Variants in MARCHF3 observed in about 807,000 individuals in gnomAD.
The protein encoded by MARCHF3 is E3 ubiquitin-protein ligase MARCHF3.
A neutral mutation model predicts 24.2 loss-of-function variants in MARCHF3; 13 were observed. The observed-to-expected ratio is 0.54, with a 90% CI of 0.35 to 0.85. MARCHF3 has a LOEUF of 0.85. Among genes scored for constraint, MARCHF3 ranks in the 40% least tolerant of loss-of-function variants. The pLI is 0.01. For missense variants in MARCHF3, 276 were observed against 325.0 expected (o/e 0.85, Z 1.16); for synonymous variants, 144 against 137.3 (o/e 1.05, Z -0.34).
chr5:126,923,814 G>C (rs902400536), intron 1 of MARCHF3, among the ~76,000 whole-genome samples: 4 of 152,118 alleles, frequency 2.6e-5, no homozygotes, highest in Non-Finnish European at 4.4e-5. Context: ...TTTTTAAAAA[G>C]AAGAAGAAGA....
At chr5:126,912,592 C>T (rs539644725) in intron 3 of MARCHF3, among the ~76,000 whole-genome samples, 74 of 152,244 alleles carry the variant, frequency 4.9e-4, no homozygotes, top group African/African-American at 1.6e-3. Flanking sequence ...AAAAAAGATG[C>T]ATGTTTATCT....
chr5:126,945,346 T>C (rs1280256258), intron 1 of MARCHF3, among the ~76,000 whole-genome samples: 1 of 152,174 alleles, frequency 6.6e-6, no homozygotes, highest in Non-Finnish European at 1.5e-5. Context: ...TCACAGGTGC[T>C]AGGAATGATA....
In MARCHF3 at chr5:126,904,623, T is replaced by C. The variant is rs1165034771; in HGVS notation, c.393+10307A>G. Among the ~76,000 whole-genome samples the C allele has an allele frequency of 2.7e-5, 4 of 150,078 alleles. No individual in the cohort carries two copies. The East Asian group carries it at 7.9e-4, about 30-fold the overall frequency. On this transcript the variant is annotated intron_variant, in intron 3 of 4. Transcript: ENST00000308660. The stretch of plus-strand genomic sequence containing the variant: ...TGCATGAATGTCTTCTTTTGAGAAG[T>C]GTCTGTTCATGTCCTTCGCCCACTT...
chr5:126,908,643 T>TCAAG (rs1392085914), intron 3 of MARCHF3, among the ~76,000 whole-genome samples: 10 of 151,986 alleles, frequency 6.6e-5, no homozygotes, highest in Non-Finnish European at 1.3e-4. Context: ...TTCTTCATGT[T>TCAAG]GCTCTCGAGC....
intron 3 of MARCHF3, among the ~76,000 whole-genome samples, chr5:126,906,903 T>C (rs1360508708): frequency 6.6e-6 from 1 of 152,114 alleles, no homozygotes; most frequent in Non-Finnish European, 1.5e-5. Context: ...CTTTTAATTG[T>C]GATGTTAGGG....
chr5:126,953,752 C>T (rs1750333802), intron 1 of MARCHF3, among the ~76,000 whole-genome samples: 1 of 152,146 alleles, frequency 6.6e-6, no homozygotes, highest in Non-Finnish European at 1.5e-5. Flanking sequence ...CTTTCCTCCA[C>T]TCTGGGAAAT....
intron 1 of MARCHF3, among the ~76,000 whole-genome samples, chr5:126,991,743 T>A (rs928948447): frequency 6.6e-6 from 1 of 151,172 alleles, no homozygotes; most frequent in African/African-American, 2.4e-5. Flanking sequence ...AGAAACCTAG[T>A]GGCATGACAG....
At position 126,991,111 on chromosome 5, in the gene MARCHF3, C is replaced by T. The variant is rs1200040567; in HGVS notation, c.-57+39239G>A. Among the ~76,000 whole-genome samples the T allele has an allele frequency of 7.9e-5, 12 of 152,184 alleles. No individual in the cohort carries two copies. The South Asian group carries it at 1.0e-3, about 13-fold the overall frequency. On this transcript the variant is annotated intron_variant, in intron 1 of 4. Coordinates refer to ENST00000308660, the MANE Select transcript of MARCHF3 (RefSeq NM_178450.5). ...GACACATGTACATGTATGTTTATTG[C>T]GGCACTATTCACAATAGCAAAGACT...
intron 1 of MARCHF3, among the ~76,000 whole-genome samples, chr5:126,982,724 T>A (rs1751431975): frequency 6.6e-6 from 1 of 152,176 alleles, no homozygotes; most frequent in Non-Finnish European, 1.5e-5. Flanking sequence ...GATTTTCACA[T>A]TTGTAAAATG....
chr5:127,005,243 T>A (rs1243529773), intron 1 of MARCHF3, among the ~76,000 whole-genome samples: 1 of 150,712 alleles, frequency 6.6e-6, no homozygotes, highest in Non-Finnish European at 1.5e-5. Flanking sequence ...TTCAAGCAAT[T>A]CTCCTGTCTC....
intron 3 of MARCHF3, among the ~76,000 whole-genome samples, chr5:126,904,624 G>A (rs1225502431): frequency 6.7e-6 from 1 of 149,978 alleles, no homozygotes; most frequent in Non-Finnish European, 1.5e-5. Flanking sequence ...TTTGAGAAGT[G>A]TCTGTTCATG....
At chr5:126,882,226 T>C (rs1753364748) in intron 3 of MARCHF3, among the ~76,000 whole-genome samples, 1 of 152,244 alleles carries the variant, frequency 6.6e-6, no homozygotes, top group Admixed American at 6.5e-5. Context: ...CATTTGTGTG[T>C]GTATGCTTGC....
chr5:126,922,003 C>T (rs1749124567), intron 1 of MARCHF3, among the ~76,000 whole-genome samples: 1 of 152,250 alleles, frequency 6.6e-6, no homozygotes, highest in Non-Finnish European at 1.5e-5. Context: ...GTACAGGTTT[C>T]ACAAAAGCAG....
chr5:127,015,795 G>A (rs1752621514), intron 1 of MARCHF3, among the ~76,000 whole-genome samples: 2 of 152,246 alleles, frequency 1.3e-5, no homozygotes, highest in Admixed American at 6.5e-5. Flanking sequence ...ACCATGGCCC[G>A]AAAATATAAA....
chr5:126,935,818 G>T (rs1054756097), intron 1 of MARCHF3, among the ~76,000 whole-genome samples: 1 of 151,516 alleles, frequency 6.6e-6, no homozygotes, highest in Non-Finnish European at 1.5e-5. Context: ...ACCATGTTGG[G>T]CAGGCTAGTC....
intron 1 of MARCHF3, among the ~76,000 whole-genome samples, chr5:126,968,613 T>C (rs1217265424): frequency 2.0e-5 from 3 of 152,204 alleles, no homozygotes; most frequent in Non-Finnish European, 2.9e-5. Flanking sequence ...TCTCGCTCTG[T>C]TGCCCATGCT....
At chr5:127,001,318 C>T (rs1290966902) in intron 1 of MARCHF3, among the ~76,000 whole-genome samples, 2 of 151,790 alleles carry the variant, frequency 1.3e-5, no homozygotes, top group Non-Finnish European at 2.9e-5. Context: ...TTTTGTAATT[C>T]AGTCTTACTC....
intron 1 of MARCHF3, among the ~76,000 whole-genome samples, chr5:126,923,335 C>T (rs1032052347): frequency 2.0e-5 from 3 of 152,178 alleles, no homozygotes; most frequent in African/African-American, 7.2e-5. Context: ...TGTATCAGAA[C>T]GACATTTTCA....
intron 4 of MARCHF3, 126 bp from the exon 5 acceptor site, chr5:126,870,917 A>G: frequency 2.3e-6 from 3 of 1,315,970 alleles, no homozygotes; most frequent in Non-Finnish European, 3.1e-6. Context: ...GCAGGGCAAG[A>G]ACCCTGGGAA....
Sources: allele counts gnomAD v4.1 joint callset (sites outside exome capture counted in the v4.1 genomes callset), GRCh38; gene constraint gnomAD v4.1.1; transcripts MANE v1.5; gene names NCBI Gene and HGNC (gene_info 2026-07-23, HGNC 2026-07-21).